The following SEC31A variants were observed in gnomAD, a reference collection of about 807,000 sequenced individuals.
SEC31A encodes the protein SEC31 homolog A, COPII component.
A neutral mutation model predicts 151.0 loss-of-function variants in SEC31A; 70 were observed. The ratio of observed to expected loss-of-function variants is 0.46; its 90% CI spans 0.38 to 0.57. The LOEUF (loss-of-function observed/expected upper bound fraction) is 0.57, where lower values mean the gene tolerates loss of function less well. Ranked by LOEUF, SEC31A falls within the 20% of genes least tolerant of loss-of-function variation. The pLI is 0.00. For synonymous variants in SEC31A, 475 were observed against 505.9 expected (o/e 0.94, Z 0.82); for missense variants, 1,330 against 1,471.2 (o/e 0.90, Z 1.57).
chr4:82,826,454 A>T (rs1724590345), intron 24 of SEC31A, among the ~76,000 whole-genome samples: 1 of 152,186 alleles, frequency 6.6e-6, no homozygotes, highest in Non-Finnish European at 1.5e-5. Context: ...GCTGAGTTCA[A>T]GCAATTCTCC....
upstream of SEC31A, chr4:82,893,315 T>C (rs192513203): frequency 6.6e-6 from 1 of 152,388 alleles, no homozygotes; most frequent in East Asian, 1.9e-4. Context: ...GGGATCCTTC[T>C]GCTTTAGCCA....
rs553936927 is a variant in SEC31A at position 82,867,357 on chromosome 4, T to C, written c.883-41A>G. The stretch of plus-strand genomic sequence containing the variant: ...ACAAACAACAAAACTCAGAAAATGG[T>C]ATGGCCACTTTGTAACCAAAACACC... On this transcript the variant is annotated intron_variant, in intron 8 of 26. Coordinates refer to ENST00000395310, the MANE Select transcript of SEC31A (RefSeq NM_001077207.4). 1.4e-5 allele frequency: 22 copies of C among 1,585,746 alleles called. No individual in the cohort carries two copies. The African/African-American group carries it at 3.0e-4, about 21-fold the overall frequency.
At position 82,842,273 on chromosome 4, in the gene SEC31A, A is replaced by G; in HGVS notation, c.2835T>C (p.Pro945=). 1 of 1,613,848 alleles carries G rather than the reference A, an allele frequency of 6.2e-7. No homozygotes were observed. Among genetic ancestry groups the G allele is most frequent in the East Asian group, 2.2e-5 (1 of 44,850 alleles). The change falls in exon 22 of 27, where the codon CCT becomes CCC. Residue 945 remains proline, a synonymous_variant. Transcript: ENST00000395310. ...GGAAGGATGCTCCAGAGGAAGGGGGAGGAGGGAAAGAAGTAGCAGGGCTGG... is the reference window on the plus strand; with the variant it reads ...GGAAGGATGCTCCAGAGGAAGGGGGGGGAGGGAAAGAAGTAGCAGGGCTGG... ...PTSSPATSFP[P]PPSSGASFQH...
Position 82,853,626 on chromosome 4 carries a change from T to G in SEC31A, c.2098A>C (p.Lys700Gln). The G allele has an allele frequency of 6.2e-7, 1 of 1,604,756 alleles. No individual in the cohort carries two copies. Among genetic ancestry groups the G allele is most frequent in the Non-Finnish European group, 8.5e-7 (1 of 1,177,732 alleles). The change falls in exon 18 of 27, where the codon AAA becomes CAA. Residue 700 changes from lysine to glutamine, a missense_variant. Physicochemically the swap from Lys to Gln is moderately conservative, Grantham distance 53 (BLOSUM62 1). Coordinates refer to ENST00000395310, the MANE Select transcript of SEC31A (RefSeq NM_001077207.4). The part of the protein sequence containing the change: ...LCYICAGNVE[K>Q]LVACWTKAQD... ...GCTTTAGTCCAACATGCAACTAATTTCTCTACATTCCCTGCACAAATATAG... is the reference window on the plus strand; with the variant it reads ...GCTTTAGTCCAACATGCAACTAATTGCTCTACATTCCCTGCACAAATATAG...
chr4:82,881,728 C>A lies in SEC31A; in HGVS notation c.79+130G>T. The A allele has an allele frequency of 1.0e-5, 7 of 682,834 alleles. No individual in the cohort carries two copies. The Middle Eastern group carries it at 1.1e-3, about 110-fold the overall frequency. 42.3% of individuals were successfully genotyped at this position (682,834 alleles called of 1,614,324 possible). A position where few individuals can be genotyped will look rare whatever the true frequency, so the allele number is the denominator to read the frequency against. ...CACAGAGGAAGAACACTAAACTTGG[C>A]TGATAGAATGTCAGTAACTTGCCAG... On this transcript the variant is annotated intron_variant, in intron 2 of 26. Transcript: ENST00000395310.
Position 82,870,394 on chromosome 4 carries a change from T to C in SEC31A, c.813A>G (p.Ala271=). 6.2e-7 allele frequency: 1 copy of C among 1,613,858 alleles called. No homozygotes were observed. The highest frequency in any genetic ancestry group is 8.5e-7 in the Non-Finnish European group (1 of 1,179,794). Residue 271 remains alanine, a synonymous_variant, in exon 8 of 27, where the codon GCA becomes GCG. Transcript: ENST00000395310. ...CACAGCTCAGTAACAATTCAGGATC[T>C]GCCATGCTCCAAGCAATTGCCAAAA... ...RGILAIAWSM[A]DPELLLSCGK... is the part of the protein sequence containing the mutation.
intron 23 of SEC31A, among the ~76,000 whole-genome samples, chr4:82,828,001 G>A (rs1578123247): frequency 6.6e-6 from 1 of 151,082 alleles, no homozygotes; most frequent in Middle Eastern, 3.2e-3. Context: ...TGCAACCTCC[G>A]CCTCCCAGGT....
rs1200785497 is a variant in SEC31A at position 82,829,039 on chromosome 4, A to T, written c.2988T>A (p.Asn996Lys). 6.2e-7 allele frequency: 1 copy of T among 1,613,642 alleles called. No homozygotes were observed. Among genetic ancestry groups the T allele is most frequent in the East Asian group, 2.2e-5 (1 of 44,856 alleles). The change falls in exon 23 of 27, where the codon AAT becomes AAA. Residue 996 changes from asparagine to lysine, a missense_variant. Asn to Lys is a moderately conservative substitution (Grantham distance 94). Coordinates refer to ENST00000395310, the MANE Select transcript of SEC31A (RefSeq NM_001077207.4). The part of the protein sequence containing the change: ...SQRTGPQNGW[N>K]DPPALNRVPK... Reference sequence around the variant, plus strand: ...GTACTCTGTTCAAAGCTGGAGGGTCATTCCAACCATTCTGAGGACCTATAA... The same window carrying T: ...GTACTCTGTTCAAAGCTGGAGGGTCTTTCCAACCATTCTGAGGACCTATAA...
intron 3 of SEC31A, among the ~76,000 whole-genome samples, chr4:82,897,604 T>C (rs1720118565): frequency 6.6e-6 from 1 of 151,814 alleles, no homozygotes; most frequent in African/African-American, 2.4e-5. Context: ...CCAGGTGTAG[T>C]GGTACATGCA....
At position 82,842,134 on chromosome 4, in the gene SEC31A, G is replaced by T. The variant is rs763321639; in HGVS notation, c.2968+6C>A. On this transcript the variant is annotated splice_donor_region_variant and intron_variant, in intron 22 of 26. Coordinates refer to ENST00000395310, the MANE Select transcript of SEC31A (RefSeq NM_001077207.4). The stretch of plus-strand genomic sequence containing the variant: ...GGGCCAAACCAAATCCCTTTCAAGC[G>T]CAGACCTGTTCTTTGGGACGCAGGC... 6.5e-7 allele frequency: 1 copy of T among 1,542,404 alleles called. No individual in the cohort carries two copies. The highest frequency in any genetic ancestry group is 2.3e-5 in the East Asian group (1 of 44,298).
intron 21 of SEC31A, chr4:82,842,769 T>C (rs933981001): frequency 2.1e-5 from 6 of 285,212 alleles, no homozygotes; most frequent in Middle Eastern, 2.2e-3. Context: ...TTCTGAGACT[T>C]TTCCTGATCC....
intron 22 of SEC31A, chr4:82,829,306 G>A (rs1386812641): frequency 2.6e-6 from 1 of 378,242 alleles, no homozygotes; most frequent in Non-Finnish European, 4.8e-6. Flanking sequence ...GTAAAAGAGT[G>A]TGCTAAATTT....
chr4:82,880,792 C>G lies in SEC31A; in HGVS notation c.203+7G>C. The G allele has an allele frequency of 6.2e-7, 1 of 1,605,912 alleles. No individual in the cohort carries two copies. The highest frequency in any genetic ancestry group is 8.5e-7 in the Non-Finnish European group (1 of 1,176,460). On this transcript the variant is annotated splice_region_variant and intron_variant, in intron 3 of 26. Coordinates refer to ENST00000395310, the MANE Select transcript of SEC31A (RefSeq NM_001077207.4). ...TAATCACATGAATTTAAAGCTGAAC[C>G]TCATACCTGTGAGAAGAGGAGAATG...
chr4:82,862,492 G>C, intron 13 of SEC31A, 42 bp downstream of exon 13: 2 of 1,538,714 alleles, frequency 1.3e-6, no homozygotes, highest in Non-Finnish European at 1.8e-6. Context: ...TTATGACCTA[G>C]CCAAAGTTTT....
intron 8 of SEC31A, among the ~76,000 whole-genome samples, chr4:82,869,836 C>G (rs1021892037): frequency 3.9e-5 from 6 of 152,120 alleles, no homozygotes; most frequent in Non-Finnish European, 8.8e-5. Flanking sequence ...CACTAGCAAT[C>G]ATCTACCTTC....
At chr4:82,825,273 C>T (rs765483480) in intron 24 of SEC31A, among the ~76,000 whole-genome samples, 3 of 152,208 alleles carry the variant, frequency 2.0e-5, no homozygotes, top group Non-Finnish European at 4.4e-5. Context: ...CAACTATTTA[C>T]CAGGAACTGG....
At chr4:82,893,086 G>A (rs1477981967), upstream of SEC31A, 1 of 152,160 alleles carries the variant, frequency 6.6e-6, no homozygotes, top group Non-Finnish European at 1.5e-5. Context: ...GGTTTTTTTA[G>A]AGACAGGTTT....
intron 3 of SEC31A, chr4:82,899,641 C>T (rs1720222479): frequency 6.6e-6 from 1 of 152,594 alleles, no homozygotes; most frequent in Non-Finnish European, 1.5e-5. Flanking sequence ...GAACCATAAC[C>T]AAAAGCTATT....
At chr4:82,847,550 T>G (rs1240721183) in intron 20 of SEC31A, among the ~76,000 whole-genome samples, 1 of 152,208 alleles carries the variant, frequency 6.6e-6, no homozygotes, top group Admixed American at 6.5e-5. Flanking sequence ...GGTAGCTTGG[T>G]TTAACAAGAC....
Sources: allele counts gnomAD v4.1 joint callset (sites outside exome capture counted in the v4.1 genomes callset), GRCh38; gene constraint gnomAD v4.1.1; transcripts MANE v1.5; gene names NCBI Gene and HGNC (gene_info 2026-07-23, HGNC 2026-07-21).